NCKAP5: variants seen among roughly 807,000 people sequenced by gnomAD.
NCKAP5 encodes nck-associated protein 5.
NCKAP5 carries 92 observed loss-of-function variants against 167.0 expected under a neutral mutation model. That is an observed-to-expected ratio of 0.55 (90% CI 0.47 to 0.66). NCKAP5 has a LOEUF of 0.66. NCKAP5 is among the 30% of genes least tolerant of loss of function. The probability of loss-of-function intolerance (pLI) is 0.00; values close to 1 mark genes in which losing one functional copy is unlikely to be tolerated. For synonymous variants in NCKAP5, 891 were observed against 877.4 expected (o/e 1.02, Z -0.27); for missense variants, 2,378 against 2,315.0 (o/e 1.03, Z -0.56).
intron 6 of NCKAP5, among the ~76,000 whole-genome samples, chr2:133,061,223 T>C (rs1284578315): frequency 6.6e-6 from 1 of 152,192 alleles, no homozygotes; most frequent in African/African-American, 2.4e-5. Flanking sequence ...ACTTAGTTGA[T>C]AAAGCAGTGG....
chr2:132,700,045 C>G (rs1687731496), intron 19 of NCKAP5, among the ~76,000 whole-genome samples: 1 of 152,178 alleles, frequency 6.6e-6, no homozygotes. Context: ...GATGGTATCT[C>G]ATTGTGGTTT....
At chr2:133,421,523 T>A (rs912429293) in intron 3 of NCKAP5, among the ~76,000 whole-genome samples, 6 of 152,160 alleles carry the variant, frequency 3.9e-5, no homozygotes, top group African/African-American at 1.4e-4. Context: ...GAATTCATGT[T>A]CCTTGCCTTA....
At chr2:133,187,845 T>C (rs2085017722) in intron 5 of NCKAP5, among the ~76,000 whole-genome samples, 1 of 152,042 alleles carries the variant, frequency 6.6e-6, no homozygotes, top group African/African-American at 2.4e-5. Context: ...TCTTCCTCCA[T>C]CCCTTTCTTT....
At chr2:132,900,767 C>T (rs1693557967) in intron 8 of NCKAP5, among the ~76,000 whole-genome samples, 1 of 151,886 alleles carries the variant, frequency 6.6e-6, no homozygotes, top group Non-Finnish European at 1.5e-5. Context: ...TTGAGACCAG[C>T]CTGGCCAACA....
At chr2:132,828,859 CT>C in intron 11 of NCKAP5, among the ~76,000 whole-genome samples, 1 of 152,288 alleles carries the variant, frequency 6.6e-6, no homozygotes, top group African/African-American at 2.4e-5. Flanking sequence ...GAGTCCTGCC[CT>C]AGATGCCCAA....
the NCKAP5 span, among the ~76,000 whole-genome samples, chr2:133,590,711 G>T: frequency 9.9e-5 from 15 of 152,148 alleles, no homozygotes; most frequent in East Asian, 1.7e-3. Flanking sequence ...AAATACCATC[G>T]CCTAGGACTT....
chr2:133,125,383 T>C (rs1279441339), intron 6 of NCKAP5, among the ~76,000 whole-genome samples: 1 of 152,162 alleles, frequency 6.6e-6, no homozygotes, highest in East Asian at 1.9e-4. Flanking sequence ...ACAGTGATTG[T>C]CTTTACATAC....
intron 11 of NCKAP5, among the ~76,000 whole-genome samples, chr2:132,846,177 C>T (rs768287378): frequency 2.6e-5 from 4 of 152,044 alleles, no homozygotes; most frequent in African/African-American, 4.8e-5. Flanking sequence ...AAATTCTTCA[C>T]GGTTTCTTTC....
At chr2:133,038,892 G>A (rs1223755966) in intron 6 of NCKAP5, among the ~76,000 whole-genome samples, 1 of 152,122 alleles carries the variant, frequency 6.6e-6, no homozygotes, top group African/African-American at 2.4e-5. Flanking sequence ...TCTAAGAGCC[G>A]CCATACAACC....
rs61402737 is a variant in NCKAP5 at position 133,484,449 on chromosome 2, C to G, written c.69+33009G>C. ...GTCCTGATTCCCAATGCAGGGGAAA[C>G]GATGCCATTTCCCATCCCTTTCTAA... On this transcript the variant is annotated intron_variant, in intron 3 of 19. Coordinates refer to ENST00000409261, the MANE Select transcript of NCKAP5 (RefSeq NM_207363.3). Among the ~76,000 whole-genome samples the G allele has an allele frequency of 2.6e-5, 4 of 152,074 alleles. No homozygotes were observed. In the South Asian group the frequency reaches 8.3e-4, roughly 32 times the overall value.
chr2:133,519,400 C>A (rs1684289307), intron 2 of NCKAP5, among the ~76,000 whole-genome samples: 1 of 152,216 alleles, frequency 6.6e-6, no homozygotes, highest in Non-Finnish European at 1.5e-5. Context: ...CTGCTATAGG[C>A]ATGACCACTA....
At chr2:132,765,480 A>T (rs766354592) in intron 16 of NCKAP5, among the ~76,000 whole-genome samples, 26 of 151,834 alleles carry the variant, frequency 1.7e-4, no homozygotes, top group Non-Finnish European at 3.2e-4. Flanking sequence ...ACGCGCAGCT[A>T]ATTTTTGTAT....
chr2:133,660,955 C>CAAA, the NCKAP5 span, among the ~76,000 whole-genome samples: 460 of 124,840 alleles, frequency 3.7e-3, 2 homozygotes, highest in African/African-American at 0.012. Context: ...TACAGGCTTG[C>CAAA]AAAAAAAAAA....
intron 8 of NCKAP5, among the ~76,000 whole-genome samples, chr2:132,922,036 G>A (rs1384670571): frequency 1.3e-5 from 2 of 152,138 alleles, no homozygotes; most frequent in Non-Finnish European, 2.9e-5. Context: ...CTGAGAGTCT[G>A]CCTGAGAACA....
At chr2:133,517,000 T>TTAGTTTACAGACAACTGAACTAATGCACA (rs1179959051) in intron 3 of NCKAP5, among the ~76,000 whole-genome samples, 8 of 152,176 alleles carry the variant, frequency 5.3e-5, no homozygotes, top group Non-Finnish European at 1.2e-4. Context: ...TCTCAGAAAG[T>TTAGTTTACAGACAACTGAACTAATGCACA]TAGTTTACAG....
At chr2:133,572,428 C>T (rs1315419596), upstream of NCKAP5, among the ~76,000 whole-genome samples, 1 of 152,182 alleles carries the variant, frequency 6.6e-6, no homozygotes, top group African/African-American at 2.4e-5. Flanking sequence ...GCATGAAAGA[C>T]AAGTGCAAAG....
At chr2:133,026,884 G>C (rs1036544) in intron 6 of NCKAP5, among the ~76,000 whole-genome samples, 84,329 of 152,038 alleles carry the variant, frequency 0.55, 23,688 homozygotes, top group African/African-American at 0.62. Flanking sequence ...AGGATTCAGC[G>C]AGACCTCTAG....
chr2:132,711,024 A>C (rs1028883897), intron 19 of NCKAP5, among the ~76,000 whole-genome samples: 1 of 152,182 alleles, frequency 6.6e-6, no homozygotes, highest in Non-Finnish European at 1.5e-5. Flanking sequence ...TCATTCGATA[A>C]ATGTTTGTTA....
chr2:133,043,444 CT>C lies in NCKAP5; in HGVS notation c.342-49206del, dbSNP rs575992087. Among the ~76,000 whole-genome samples, 151 of 152,146 alleles carry C rather than the reference CT, an allele frequency of 9.9e-4. 1 individual carries two copies. The highest frequency in any genetic ancestry group is 3.3e-3 in the African/African-American group (136 of 41,526). On this transcript the variant is annotated intron_variant, in intron 6 of 19. Coordinates refer to ENST00000409261, the MANE Select transcript of NCKAP5 (RefSeq NM_207363.3). The stretch of plus-strand genomic sequence containing the variant: ...TCAGGGGTTTCCAATCTTTGGCTTC[CT>C]TGGGCCACAGTGGAAGAAGAAAAAT...
Sources: allele counts gnomAD v4.1 joint callset (sites outside exome capture counted in the v4.1 genomes callset), GRCh38; gene constraint gnomAD v4.1.1; transcripts MANE v1.5; gene names NCBI Gene and HGNC (gene_info 2026-07-23, HGNC 2026-07-21).